The following TNK2 variants were observed in gnomAD, a reference collection of about 807,000 sequenced individuals.
TNK2 encodes activated CDC42 kinase 1.
Under a neutral mutation model 101.8 loss-of-function variants are expected in TNK2, and 83 were observed. That is an observed-to-expected ratio of 0.82 (90% CI 0.68 to 0.98). The LOEUF (loss-of-function observed/expected upper bound fraction) is 0.98, where lower values mean the gene tolerates loss of function less well. Among genes scored for constraint, TNK2 ranks in the 50% least tolerant of loss-of-function variants. The pLI, the probability that TNK2 is intolerant of heterozygous loss-of-function variation, is 0.00. For missense variants in TNK2, 1,665 were observed against 1,483.2 expected (o/e 1.12, Z -2.01); for synonymous variants, 804 against 633.0 (o/e 1.27, Z -4.06).
At chr3:195,887,900 G>A (rs565979930) in intron 2 of TNK2, among the ~76,000 whole-genome samples, 9 of 127,240 alleles carry the variant, frequency 7.1e-5, no homozygotes, top group South Asian at 2.2e-4. Context: ...ACGTGCATGC[G>A]TGTGTGCACG....
In TNK2 at chr3:195,882,914, C is replaced by T. The variant is rs931651415; in HGVS notation, c.609+243G>A. ...CCAAATTAAACTCAGTGGCCAGCCCCTCCCATGGGAGTAACTCTCTTGACA... is the reference window on the plus strand; with the variant it reads ...CCAAATTAAACTCAGTGGCCAGCCCTTCCCATGGGAGTAACTCTCTTGACA... On this transcript the variant is annotated intron_variant, in intron 5 of 15. Coordinates refer to ENST00000672887, the MANE Select transcript of TNK2 (RefSeq NM_001382273.1). The surrounding 1 kb of genome is among the most constrained non-coding windows in gnomAD (Gnocchi z 4.2). Among the ~76,000 whole-genome samples, 24 of 152,196 alleles carry T rather than the reference C, an allele frequency of 1.6e-4. No homozygotes were observed. The highest frequency in any genetic ancestry group is 5.3e-4 in the African/African-American group (22 of 41,442).
At chr3:195,895,026 T>A (rs1760037084) in intron 1 of TNK2, among the ~76,000 whole-genome samples, 1 of 152,110 alleles carries the variant, frequency 6.6e-6, no homozygotes, top group South Asian at 2.1e-4. Context: ...ACGGGCAGCT[T>A]TTTGGGGTCC....
rs186338726 is a variant in TNK2 at position 195,900,423 on chromosome 3, C to A, written c.-19+8062G>T. Among the ~76,000 whole-genome samples the A allele has an allele frequency of 1.6e-4, 24 of 152,342 alleles. 1 individual carries two copies. The highest frequency in any genetic ancestry group is 1.5e-3 in the East Asian group (8 of 5,188). ...ACTAAACAGCGTGACCCAGTCCACACTGAACCTGAGGCTGACTGGACTTGG... is the reference window on the plus strand; with the variant it reads ...ACTAAACAGCGTGACCCAGTCCACAATGAACCTGAGGCTGACTGGACTTGG... On this transcript the variant is annotated intron_variant, in intron 1 of 15. Coordinates refer to ENST00000672887, the MANE Select transcript of TNK2 (RefSeq NM_001382273.1).
chr3:195,877,187 CCT>C (rs1749886395), intron 9 of TNK2, among the ~76,000 whole-genome samples: 1 of 152,200 alleles, frequency 6.6e-6, no homozygotes. Flanking sequence ...TGTCCCCAGG[CCT>C]CTCTTTCTAG....
At chr3:195,873,741 G>T (rs1420199144) in intron 9 of TNK2, among the ~76,000 whole-genome samples, 2 of 152,152 alleles carry the variant, frequency 1.3e-5, no homozygotes, top group Non-Finnish European at 2.9e-5. Flanking sequence ...AGGTGACGAG[G>T]CCTGGCTGGA....
chr3:195,895,130 G>A, intron 1 of TNK2: 2 of 994,004 alleles, frequency 2.0e-6, no homozygotes, highest in East Asian at 3.2e-5. Flanking sequence ...CCCTGGCCCA[G>A]GAGCAGACAC....
Position 195,885,171 on chromosome 3 carries a change from G to T in TNK2, c.235-138C>A. ...CTGGTTTTGCCAAACTGTCAGTGGG[G>T]CAGCCTGGCTGGAGGCCCACACTCC... is the stretch of plus-strand genomic sequence containing the variant. On this transcript the variant is annotated intron_variant, in intron 3 of 15. Transcript: ENST00000672887. This position sits in a 1 kb window ranked among gnomAD's most constrained non-coding sequence, Gnocchi z 4.7. 1 of 1,047,094 alleles carries T rather than the reference G, an allele frequency of 9.6e-7. No individual in the cohort carries two copies. The highest frequency in any genetic ancestry group is 1.6e-5 in the African/African-American group (1 of 62,056). The allele number at this position is 1,047,094 out of a possible 1,614,324, so 64.9% of individuals were successfully genotyped here.
At chr3:195,892,504 C>A (rs1436193600) in intron 1 of TNK2, 6 of 1,534,002 alleles carry the variant, frequency 3.9e-6, no homozygotes, top group South Asian at 3.6e-5. Context: ...CGCAGCGGGA[C>A]CCCCCCGAGC....
At chr3:195,876,741 G>A (rs756049680) in intron 9 of TNK2, 17 of 429,382 alleles carry the variant, frequency 4.0e-5, no homozygotes, top group South Asian at 1.9e-4. Context: ...GCCAACGGGG[G>A]CCTTCGACGG....
intron 1 of TNK2, among the ~76,000 whole-genome samples, chr3:195,906,355 C>T (rs1761715433): frequency 6.6e-6 from 1 of 152,206 alleles, no homozygotes; most frequent in Non-Finnish European, 1.5e-5. Flanking sequence ...TGTACATCCA[C>T]ACAAAGACTA....
At position 195,878,574 on chromosome 3, in the gene TNK2, T is replaced by C. The variant is rs373491945; in HGVS notation, c.1033A>G (p.Lys345Glu). Residue 345 changes from lysine to glutamate, a missense_variant, in exon 8 of 16, where the codon AAG becomes GAG. Lys to Glu is a moderately conservative substitution (Grantham distance 56). Coordinates refer to ENST00000672887, the MANE Select transcript of TNK2 (RefSeq NM_001382273.1). The surrounding 1 kb of genome is among the most constrained non-coding windows in gnomAD (Gnocchi z 4.7). ...NGSQILHKID[K>E]EGERLPRPED... is the part of the protein sequence containing the mutation. ...GGCCGGGGCAGCCGCTCCCCCTCCT[T>C]GTCGATCTTATGCAGGATCTGAAGG... is the stretch of plus-strand genomic sequence containing the variant. The C allele has an allele frequency of 3.1e-6, 5 of 1,613,178 alleles. No homozygotes were observed. Among genetic ancestry groups the C allele is most frequent in the East Asian group, 2.2e-5 (1 of 44,842 alleles).
intron 14 of TNK2, 62 bp downstream of exon 14, chr3:195,867,106 TG>T: frequency 6.2e-7 from 1 of 1,607,866 alleles, no homozygotes; most frequent in Non-Finnish European, 8.5e-7. Flanking sequence ...GGCGTGGGGC[TG>T]GGGGCAGCAG....
At chr3:195,908,451 A>C (rs1293524312) in intron 1 of TNK2, 34 bp downstream of exon 1, 1 of 152,630 alleles carries the variant, frequency 6.6e-6, no homozygotes, top group African/African-American at 2.4e-5. Context: ...TTCCAAGCAC[A>C]CCAACTCCAG....
At chr3:195,892,567 A>G in intron 1 of TNK2, 1 of 1,494,126 alleles carries the variant, frequency 6.7e-7, no homozygotes, top group Non-Finnish European at 8.9e-7. Flanking sequence ...TCTGCCCAGG[A>G]GCCCCCCAAA....
intron 11 of TNK2, 145 bp from the exon 12 acceptor site, chr3:195,869,686 A>C (rs1743600395): frequency 1.2e-6 from 1 of 843,460 alleles, no homozygotes; most frequent in Non-Finnish European, 1.9e-6. Context: ...AGCCCCCAGC[A>C]AACGGGAGGC....
Position 195,878,621 on chromosome 3 carries a change from G to A in TNK2, c.1015-29C>T, listed in dbSNP as rs372581113. 120 of 1,602,130 alleles carry A rather than the reference G, an allele frequency of 7.5e-5. No individual in the cohort carries two copies. The highest frequency in any genetic ancestry group is 3.2e-4 in the Admixed American group (19 of 59,776). On this transcript the variant is annotated intron_variant, in intron 7 of 15. Transcript: ENST00000672887. This position sits in a 1 kb window ranked among gnomAD's most constrained non-coding sequence, Gnocchi z 4.7. ...AAGGTGAGGAGGTGCAGAGTTTGAC[G>A]ACAAACAGAGCGCCCAGCCCTTCAC... is the stretch of plus-strand genomic sequence containing the variant.
intron 2 of TNK2, among the ~76,000 whole-genome samples, chr3:195,887,834 ACG>A (rs1491158160): frequency 1.6e-5 from 2 of 121,214 alleles, no homozygotes; most frequent in African/African-American, 8.1e-5. Flanking sequence ...GTGCGCACAC[ACG>A]TGTGTGTGTG....
At chr3:195,893,841 G>A (rs892691367) in intron 1 of TNK2, among the ~76,000 whole-genome samples, 1 of 152,190 alleles carries the variant, frequency 6.6e-6, no homozygotes. Context: ...GGGCTTTGGG[G>A]ACTCAGCATC....
intron 6 of TNK2, among the ~76,000 whole-genome samples, chr3:195,880,402 C>T (rs1751753097): frequency 7.3e-6 from 1 of 136,930 alleles, no homozygotes. Context: ...GCATCTATCC[C>T]TGTAACACCC....
Sources: gnomAD v4.1 joint callset for allele counts (sites outside exome capture counted in the v4.1 genomes callset) on GRCh38, gnomAD v4.1.1 for gene constraint, Gnocchi (gnomAD v3.1) non-coding constraint, MANE v1.5 for transcripts, NCBI Gene and HGNC (gene_info 2026-07-23, HGNC 2026-07-21) for gene names.